The following ETV6 variants were observed in gnomAD, a reference collection of about 807,000 sequenced individuals.
ETV6 encodes ETS variant transcription factor 6, also known as transcription factor ETV6.
A neutral mutation model predicts 51.1 loss-of-function variants in ETV6; 16 were observed. That is an observed-to-expected ratio of 0.31 (90% CI 0.21 to 0.48). ETV6 has a LOEUF of 0.48. Ranked by LOEUF, ETV6 falls within the 20% of genes least tolerant of loss-of-function variation. ETV6 has a pLI of 0.99. For missense variants in ETV6, 458 were observed against 594.8 expected, an observed-to-expected ratio of 0.77 and a Z score of 2.39; for synonymous variants, 240 against 224.1, an observed-to-expected ratio of 1.07 and a Z score of -0.64.
chr12:11,850,211 C>T (rs1946529737), intron 3 of ETV6, among the ~76,000 whole-genome samples: 1 of 152,130 alleles, frequency 6.6e-6, no homozygotes, highest in Non-Finnish European at 1.5e-5. Flanking sequence ...CCTGCTTCCT[C>T]CTGCACACTC....
chr12:11,877,900 T>TC (rs751320540), intron 5 of ETV6, among the ~76,000 whole-genome samples: 3 of 151,878 alleles, frequency 2.0e-5, no homozygotes, highest in Admixed American at 6.6e-5. Context: ...CGTGTCACTG[T>TC]CCCCCCCTGC....
At chr12:11,800,904 C>T (rs1307748512) in intron 2 of ETV6, among the ~76,000 whole-genome samples, 1 of 141,898 alleles carries the variant, frequency 7.0e-6, no homozygotes, top group Non-Finnish European at 1.6e-5. Flanking sequence ...TAGCCAGACC[C>T]TGTCTCATAT....
rs1358409511 is a variant in ETV6 at position 11,869,849 on chromosome 12, C to T, written c.889C>T (p.Leu297=). 3.1e-6 allele frequency: 5 copies of T among 1,613,340 alleles called. No homozygotes were observed. The highest frequency in any genetic ancestry group is 3.3e-4 in the Middle Eastern group (2 of 6,062). ...ACAGTCCAGGCTCTCCGAGGACGGGCTGCATAGGGAAGGGAAGCCCATCAA... is the reference window on the plus strand; with the variant it reads ...ACAGTCCAGGCTCTCCGAGGACGGGTTGCATAGGGAAGGGAAGCCCATCAA... ...FKQSRLSEDG[L]HREGKPINLS... is the part of the protein sequence containing the mutation. Residue 297 remains leucine, a synonymous_variant, in exon 5 of 8, where the codon CTG becomes TTG. Transcript: ENST00000396373. The surrounding 1 kb of genome is among the most constrained non-coding windows in gnomAD (Gnocchi z 5.0).
chr12:11,703,243 T>C (rs189056072), intron 1 of ETV6, among the ~76,000 whole-genome samples: 8 of 151,704 alleles, frequency 5.3e-5, no homozygotes, highest in Admixed American at 4.6e-4. Context: ...GAGGCAAAGG[T>C]GCTGAAATAT....
chr12:11,657,794 TCAC>T (rs1455054692), intron 1 of ETV6, among the ~76,000 whole-genome samples: 4 of 152,234 alleles, frequency 2.6e-5, no homozygotes, highest in Non-Finnish European at 5.9e-5. Context: ...GTAGTTCCAG[TCAC>T]CACGTCTTTC....
At chr12:11,822,742 G>C (rs1467255161) in intron 2 of ETV6, among the ~76,000 whole-genome samples, 1 of 152,220 alleles carries the variant, frequency 6.6e-6, no homozygotes, top group Non-Finnish European at 1.5e-5. Flanking sequence ...AGAGAAGAGG[G>C]AGTGGGGGAA....
intron 1 of ETV6, among the ~76,000 whole-genome samples, chr12:11,690,687 G>C: frequency 6.6e-6 from 1 of 152,026 alleles, no homozygotes; most frequent in Admixed American, 6.6e-5. Flanking sequence ...TGCAGTTCAA[G>C]ACCAGCCTGG....
chr12:11,813,319 G>A (rs893640476), intron 2 of ETV6, among the ~76,000 whole-genome samples: 2 of 151,766 alleles, frequency 1.3e-5, no homozygotes, highest in African/African-American at 2.4e-5. Context: ...TCCCTCTGCC[G>A]GCCTTTGGGT....
chr12:11,813,135 G>C (rs1945939545), intron 2 of ETV6, among the ~76,000 whole-genome samples: 1 of 152,264 alleles, frequency 6.6e-6, no homozygotes, highest in African/African-American at 2.4e-5. Flanking sequence ...TGCCCTCCGG[G>C]GAGAGTGGAT....
intron 1 of ETV6, among the ~76,000 whole-genome samples, chr12:11,705,500 G>C (rs1399895166): frequency 2.0e-5 from 3 of 152,104 alleles, no homozygotes; most frequent in Non-Finnish European, 4.4e-5. Flanking sequence ...AAACTGCTTT[G>C]GACTGTTCGA....
intron 1 of ETV6, among the ~76,000 whole-genome samples, chr12:11,703,905 G>A (rs1865028125): frequency 6.6e-6 from 1 of 152,112 alleles, no homozygotes. Flanking sequence ...ACCACCCTTG[G>A]AGTGTAAGAG....
intron 1 of ETV6, among the ~76,000 whole-genome samples, chr12:11,691,479 G>A (rs563508241): frequency 3.3e-5 from 5 of 151,846 alleles, no homozygotes; most frequent in African/African-American, 1.2e-4. Context: ...CTTACATATC[G>A]TTCTAAAATG....
intron 1 of ETV6, among the ~76,000 whole-genome samples, chr12:11,719,410 G>T (rs1233674309): frequency 6.6e-6 from 1 of 152,248 alleles, no homozygotes; most frequent in Non-Finnish European, 1.5e-5. Context: ...GATAGAGACA[G>T]TAAGTGCTCT....
rs554562572 is a variant in ETV6, at chr12:11,657,131, AC to A, written c.33+6972del. On this transcript the variant is annotated intron_variant, in intron 1 of 7. Coordinates refer to ENST00000396373, the MANE Select transcript of ETV6 (RefSeq NM_001987.5). ...CTTCAGAGCAAATGTAGGGAAAGAA[AC>A]AGAGAAAGAGAGAGATGTGTTGTGG... Among the ~76,000 whole-genome samples the A allele has an allele frequency of 4.5e-4, 68 of 152,210 alleles. 2 individuals are homozygous for A. Among genetic ancestry groups the A allele is most frequent in the Admixed American group, 1.4e-3 (22 of 15,296 alleles).
At chr12:11,765,677 C>T (rs766321860) in intron 2 of ETV6, among the ~76,000 whole-genome samples, 2 of 151,998 alleles carry the variant, frequency 1.3e-5, no homozygotes, top group Admixed American at 6.5e-5. Context: ...TCTCCCCCTT[C>T]CTTGTTTTAC....
intron 2 of ETV6, among the ~76,000 whole-genome samples, chr12:11,781,416 T>A (rs1945412409): frequency 6.6e-6 from 1 of 152,196 alleles, no homozygotes; most frequent in Non-Finnish European, 1.5e-5. Flanking sequence ...TTGGTTCTAG[T>A]TTTGCCATGT....
chr12:11,689,805 T>TCCC (rs1190370416), intron 1 of ETV6, among the ~76,000 whole-genome samples: 7 of 40,888 alleles, frequency 1.7e-4, no homozygotes, highest in African/African-American at 6.3e-4. Flanking sequence ...GGAGTCTTTT[T>TCCC]CCCTCCCCCC....
Position 11,846,936 on chromosome 12 carries a change from G to A in ETV6, c.329-6491G>A, listed in dbSNP as rs117699789. ...CGCCCAGGCTGGAGTGCAGTGGCACGATCTTGGCTCACTGCAAGGTCCACC... is the reference window on the plus strand; with the variant it reads ...CGCCCAGGCTGGAGTGCAGTGGCACAATCTTGGCTCACTGCAAGGTCCACC... On this transcript the variant is annotated intron_variant, in intron 3 of 7. Transcript: ENST00000396373. 1.8e-4 allele frequency among the ~76,000 whole-genome samples: 27 copies of A among 152,234 alleles called. No individual in the cohort carries two copies. In the East Asian group the frequency reaches 5.0e-3, roughly 28 times the overall value.
chr12:11,832,794 G>C (rs904944029), intron 2 of ETV6, among the ~76,000 whole-genome samples: 3 of 152,190 alleles, frequency 2.0e-5, no homozygotes, highest in African/African-American at 7.2e-5. Flanking sequence ...AAAAACCAGA[G>C]TATTTAGATG....
Sources: gnomAD v4.1 joint callset for allele counts (sites outside exome capture counted in the v4.1 genomes callset) on GRCh38, gnomAD v4.1.1 for gene constraint, Gnocchi (gnomAD v3.1) non-coding constraint, MANE v1.5 for transcripts, NCBI Gene and HGNC (gene_info 2026-07-23, HGNC 2026-07-21) for gene names.